Variants in NCAM2 observed in about 807,000 individuals in gnomAD.
NCAM2 encodes neural cell adhesion molecule 2.
A neutral mutation model predicts 98.1 loss-of-function variants in NCAM2; 30 were observed. The ratio of observed to expected loss-of-function variants is 0.31; its 90% CI spans 0.23 to 0.41. The LOEUF (loss-of-function observed/expected upper bound fraction) is 0.41, where lower values mean the gene tolerates loss of function less well. Among genes scored for constraint, NCAM2 ranks in the 10% least tolerant of loss-of-function variants. NCAM2 has a pLI of 1.00. For synonymous variants in NCAM2, 368 were observed against 342.4 expected, an observed-to-expected ratio of 1.07 and a Z score of -0.83; for missense variants, 867 against 1,005.8, an observed-to-expected ratio of 0.86 and a Z score of 1.87.
At chr21:21,325,306 CTAAG>C (rs2074484806) in intron 6 of NCAM2, among the ~76,000 whole-genome samples, 1 of 152,120 alleles carries the variant, frequency 6.6e-6, no homozygotes, top group African/African-American at 2.4e-5. Context: ...AGTGTCCCTA[CTAAG>C]TATTAGGTTG....
chr21:21,059,976 T>G (rs146258834), intron 1 of NCAM2, among the ~76,000 whole-genome samples: 2 of 152,236 alleles, frequency 1.3e-5, no homozygotes, highest in East Asian at 3.9e-4. Flanking sequence ...GATATGGAAA[T>G]GTCTAACCCT....
intron 1 of NCAM2, among the ~76,000 whole-genome samples, chr21:21,183,995 A>T (rs2068559796): frequency 6.6e-6 from 1 of 152,124 alleles, no homozygotes; most frequent in African/African-American, 2.4e-5. Context: ...CCTAATAAGA[A>T]TTTACCAGAA....
At chr21:21,384,970 A>C (rs1163380124) in intron 9 of NCAM2, among the ~76,000 whole-genome samples, 1 of 152,006 alleles carries the variant, frequency 6.6e-6, no homozygotes, top group Admixed American at 6.6e-5. Flanking sequence ...CCTCTCTTTT[A>C]GTTACACTCC....
intron 5 of NCAM2, among the ~76,000 whole-genome samples, chr21:21,301,284 G>A (rs1239183998): frequency 6.6e-6 from 1 of 151,898 alleles, no homozygotes; most frequent in Admixed American, 6.6e-5. Context: ...GTTGTTTCTG[G>A]GGACTCAGCC....
chr21:21,246,652 A>C (rs1412679316), intron 1 of NCAM2, among the ~76,000 whole-genome samples: 1 of 152,134 alleles, frequency 6.6e-6, no homozygotes, highest in East Asian at 1.9e-4. Context: ...TCTTTATTGC[A>C]GTTTCTAGAT....
At chr21:21,057,395 G>C (rs138367909) in intron 1 of NCAM2, among the ~76,000 whole-genome samples, 196 of 152,112 alleles carry the variant, frequency 1.3e-3, no homozygotes, top group Non-Finnish European at 3.4e-4. Context: ...AATTTGAATT[G>C]GTTTACCATG....
intron 12 of NCAM2, among the ~76,000 whole-genome samples, chr21:21,435,952 A>G (rs746466731): frequency 3.3e-5 from 5 of 152,214 alleles, no homozygotes; most frequent in Non-Finnish European, 5.9e-5. Context: ...TATAAATGCA[A>G]TGAGTACCCA....
At chr21:21,367,734 G>A (rs1321556665) in intron 8 of NCAM2, among the ~76,000 whole-genome samples, 1 of 151,750 alleles carries the variant, frequency 6.6e-6, no homozygotes, top group Non-Finnish European at 1.5e-5. Flanking sequence ...ATCTGCATAG[G>A]TATCCTTTGA....
At chr21:21,380,975 T>C (rs1441807953) in intron 9 of NCAM2, among the ~76,000 whole-genome samples, 1 of 152,190 alleles carries the variant, frequency 6.6e-6, no homozygotes, top group Non-Finnish European at 1.5e-5. Context: ...CTAGCCCTCT[T>C]ATGCTTTTTG....
chr21:21,413,092 T>A (rs2076920486), intron 10 of NCAM2, among the ~76,000 whole-genome samples: 1 of 152,172 alleles, frequency 6.6e-6, no homozygotes, highest in Non-Finnish European at 1.5e-5. Flanking sequence ...TTATTTAAGT[T>A]ACTGCCAATA....
intron 1 of NCAM2, among the ~76,000 whole-genome samples, chr21:21,151,357 G>A (rs1569079930): frequency 6.6e-6 from 1 of 152,066 alleles, no homozygotes; most frequent in Non-Finnish European, 1.5e-5. Flanking sequence ...TTGGTGTGCT[G>A]CACCTCATTT....
At chr21:21,476,078 G>GA (rs1396907803) in intron 14 of NCAM2, among the ~76,000 whole-genome samples, 1 of 152,084 alleles carries the variant, frequency 6.6e-6, no homozygotes, top group Non-Finnish European at 1.5e-5. Flanking sequence ...CAAAAATGGA[G>GA]AATACATCGT....
intron 11 of NCAM2, among the ~76,000 whole-genome samples, chr21:21,429,206 A>T (rs1405260529): frequency 6.6e-6 from 1 of 152,208 alleles, no homozygotes; most frequent in Non-Finnish European, 1.5e-5. Flanking sequence ...GAGACTAGGC[A>T]CTGGCCCATG....
chr21:21,275,506 C>T (rs1241965029), intron 1 of NCAM2, among the ~76,000 whole-genome samples: 2 of 151,642 alleles, frequency 1.3e-5, no homozygotes, highest in Non-Finnish European at 2.9e-5. Flanking sequence ...AAATTTATGG[C>T]CTTATATTTT....
In NCAM2 at chr21:21,542,140, A is replaced by C. The variant is rs1438049060; in HGVS notation, c.*4183A>C. On this transcript the variant is annotated 3_prime_UTR_variant, in exon 18 of 18. Transcript: ENST00000400546. ...TAATGTCTTAAGATGAAACAATTTTATGTCCAAATGAGAAATTTATAAAAA... is the reference window on the plus strand; with the variant it reads ...TAATGTCTTAAGATGAAACAATTTTCTGTCCAAATGAGAAATTTATAAAAA... The C allele has an allele frequency of 6.6e-6, 1 of 151,902 alleles. No homozygotes were observed. The highest frequency in any genetic ancestry group is 1.5e-5 in the Non-Finnish European group (1 of 67,838). The allele number at this position is 151,902 out of a possible 1,614,324, so 9.4% of individuals were successfully genotyped here. A position where few individuals can be genotyped will look rare whatever the true frequency, so the allele number is the denominator to read the frequency against.
At chr21:21,157,206 A>G (rs1048198426) in intron 1 of NCAM2, among the ~76,000 whole-genome samples, 1 of 152,166 alleles carries the variant, frequency 6.6e-6, no homozygotes, top group Non-Finnish European at 1.5e-5. Context: ...AAGGAATTAT[A>G]TATTTCCCTG....
chr21:21,524,868 T>C (rs954558948), intron 16 of NCAM2, among the ~76,000 whole-genome samples: 2 of 152,012 alleles, frequency 1.3e-5, no homozygotes, highest in African/African-American at 4.8e-5. Context: ...AGCTAGAAAA[T>C]ACTCCAAATG....
chr21:21,332,671 A>C (rs1265800582), intron 6 of NCAM2, among the ~76,000 whole-genome samples: 1 of 152,052 alleles, frequency 6.6e-6, no homozygotes, highest in East Asian at 1.9e-4. Flanking sequence ...CACATTATCT[A>C]ACCTGCACCT....
At chr21:21,052,707 A>C (rs1007569188) in intron 1 of NCAM2, among the ~76,000 whole-genome samples, 10 of 152,272 alleles carry the variant, frequency 6.6e-5, no homozygotes, top group Non-Finnish European at 8.8e-5. Context: ...CAAGCAAACA[A>C]AGTTTAGACA....
Sources: allele counts gnomAD v4.1 joint callset (sites outside exome capture counted in the v4.1 genomes callset), GRCh38; gene constraint gnomAD v4.1.1; transcripts MANE v1.5; gene names NCBI Gene and HGNC (gene_info 2026-07-23, HGNC 2026-07-21).